RPS6KA2: variants seen among roughly 807,000 people sequenced by gnomAD.
The protein encoded by RPS6KA2 is ribosomal protein S6 kinase alpha-2.
A neutral mutation model predicts 91.8 loss-of-function variants in RPS6KA2; 42 were observed. The observed-to-expected ratio is 0.46, with a 90% CI of 0.36 to 0.59. RPS6KA2 has a LOEUF of 0.59. Ranked by LOEUF, RPS6KA2 falls within the 20% of genes least tolerant of loss-of-function variation. The pLI, the probability that RPS6KA2 is intolerant of heterozygous loss-of-function variation, is 0.00. For missense variants in RPS6KA2, 798 were observed against 978.5 expected (o/e 0.82, Z 2.46); for synonymous variants, 414 against 393.6 (o/e 1.05, Z -0.61).
rs1780190657 is a variant in RPS6KA2, at chr6:166,459,044, CATGA to C, written c.1075+401_1075+404del. 6.6e-6 allele frequency among the ~76,000 whole-genome samples: 1 copy of C among 152,140 alleles called. No homozygotes were observed. The highest frequency in any genetic ancestry group is 1.5e-5 in the Non-Finnish European group (1 of 68,020). On this transcript the variant is annotated intron_variant, in intron 12 of 20. Coordinates refer to ENST00000265678, the MANE Select transcript of RPS6KA2 (RefSeq NM_021135.6). This position sits in a 1 kb window ranked among gnomAD's most constrained non-coding sequence, Gnocchi z 4.9. ...TTTTCAAATGGGTTTCTGTTTTTTG[CATGA>C]ATAATATCTATAGCTCATAAATCTA...
chr6:166,590,276 T>C (rs776536682), intron 1 of RPS6KA2, among the ~76,000 whole-genome samples: 3 of 152,202 alleles, frequency 2.0e-5, no homozygotes, highest in African/African-American at 7.2e-5. Context: ...CCTACATCAG[T>C]AGGCTTTGAG....
Position 166,648,086 on chromosome 6 carries a change from A to G in RPS6KA2, c.124-109302T>C, listed in dbSNP as rs1010510585. Among the ~76,000 whole-genome samples the G allele has an allele frequency of 1.4e-5, 2 of 147,952 alleles. No homozygotes were observed. The highest frequency in any genetic ancestry group is 4.4e-4 in the South Asian group (2 of 4,500). On this transcript the variant is annotated intron_variant, in intron 2 of 21. Transcript: ENST00000503859. This position sits in a 1 kb window ranked among gnomAD's most constrained non-coding sequence, Gnocchi z 4.8. ...CACACATGCACACGCACATGGTCAT[A>G]CACACACGCTCATACACACACGTGC... is the stretch of plus-strand genomic sequence containing the variant.
intron 2 of RPS6KA2, among the ~76,000 whole-genome samples, chr6:166,640,911 G>A (rs1042603851): frequency 6.6e-6 from 1 of 152,152 alleles, no homozygotes; most frequent in Non-Finnish European, 1.5e-5. Context: ...TGCATCTTCA[G>A]GTGGGAGTGT....
At position 166,475,332 on chromosome 6, in the gene RPS6KA2, C is replaced by T. The variant is rs117695379; in HGVS notation, c.908-5427G>A. 5.4e-4 allele frequency among the ~76,000 whole-genome samples: 83 copies of T among 152,340 alleles called. 4 individuals are homozygous for T. The East Asian group carries it at 0.015, about 28-fold the overall frequency. Reference sequence around the variant, plus strand: ...CGCTCACCACACCCACTGCGTACTCCCGAGCGTGGCCCGGCCCCTGGCTGC... The same window carrying T: ...CGCTCACCACACCCACTGCGTACTCTCGAGCGTGGCCCGGCCCCTGGCTGC... On this transcript the variant is annotated intron_variant, in intron 10 of 20. Transcript: ENST00000265678.
intron 2 of RPS6KA2, among the ~76,000 whole-genome samples, chr6:166,731,377 G>A (rs893277231): frequency 2.0e-5 from 3 of 151,820 alleles, no homozygotes; most frequent in Middle Eastern, 3.4e-3. Context: ...GATCCCCCTA[G>A]CCATTAGAGA....
intron 14 of RPS6KA2, among the ~76,000 whole-genome samples, chr6:166,444,047 C>A (rs1166431758): frequency 6.6e-6 from 1 of 152,172 alleles, no homozygotes; most frequent in Non-Finnish European, 1.5e-5. Context: ...TGCCAGGAAT[C>A]CTTCCATTTA....
intron 2 of RPS6KA2, among the ~76,000 whole-genome samples, chr6:166,744,436 G>T (rs1383223457): frequency 2.6e-5 from 4 of 152,248 alleles, no homozygotes; most frequent in Non-Finnish European, 5.9e-5. Context: ...TGAGGCCTCT[G>T]GGGGTAGGCT....
Position 166,698,633 on chromosome 6 carries a change from A to G in RPS6KA2, c.123+159567T>C, listed in dbSNP as rs184909941. Among the ~76,000 whole-genome samples, 10 of 152,292 alleles carry G rather than the reference A, an allele frequency of 6.6e-5. No homozygotes were observed. The East Asian group carries it at 7.7e-4, about 12-fold the overall frequency. On this transcript the variant is annotated intron_variant, in intron 2 of 21. Transcript: ENST00000503859. Reference sequence around the variant, plus strand: ...TCTTCTGGGGCTGTGATTTTCCCCAATGATCAAAATTAAAAGGCTGAAGGG... The same window carrying G: ...TCTTCTGGGGCTGTGATTTTCCCCAGTGATCAAAATTAAAAGGCTGAAGGG...
intron 12 of RPS6KA2, among the ~76,000 whole-genome samples, chr6:166,455,155 A>T (rs539693549): frequency 5.9e-5 from 9 of 152,010 alleles, no homozygotes; most frequent in Non-Finnish European, 1.3e-4. Context: ...CTTTGAAAGG[A>T]AGAAAGTGCA....
chr6:166,642,140 A>C lies in RPS6KA2; in HGVS notation c.124-103356T>G, dbSNP rs570577113. Among the ~76,000 whole-genome samples, 157 of 152,272 alleles carry C rather than the reference A, an allele frequency of 1.0e-3. 1 individual carries two copies. The highest frequency in any genetic ancestry group is 8.2e-3 in the Admixed American group (126 of 15,306). ...GAAATACCAAAAACCGAAAAAAAAA[A>C]TCTCTCCAGAGCAACCAGAAGAAAA... On this transcript the variant is annotated intron_variant, in intron 2 of 21. Coordinates refer to the RPS6KA2 transcript ENST00000503859.
intron 1 of RPS6KA2, among the ~76,000 whole-genome samples, chr6:166,549,678 G>T (rs1395774119): frequency 6.6e-6 from 1 of 152,102 alleles, no homozygotes; most frequent in Non-Finnish European, 1.5e-5. Flanking sequence ...GTCCATAAAA[G>T]GGTACCATGG....
intron 2 of RPS6KA2, among the ~76,000 whole-genome samples, chr6:166,675,893 C>T (rs576200090): frequency 6.6e-6 from 1 of 152,248 alleles, no homozygotes; most frequent in South Asian, 2.1e-4. Flanking sequence ...TCCCTGAGTT[C>T]TATATGCTGC....
chr6:166,505,341 C>T (rs935195627), intron 5 of RPS6KA2, among the ~76,000 whole-genome samples: 4 of 152,214 alleles, frequency 2.6e-5, no homozygotes, highest in African/African-American at 7.2e-5. Context: ...CCAGCCGAAA[C>T]ATGCATGAGG....
At chr6:166,727,101 G>T (rs1235782246) in intron 2 of RPS6KA2, among the ~76,000 whole-genome samples, 5 of 152,036 alleles carry the variant, frequency 3.3e-5, no homozygotes, top group African/African-American at 9.7e-5. Flanking sequence ...CCCATAACCT[G>T]GGGGTGGTTT....
At position 166,600,548 on chromosome 6, in the gene RPS6KA2, T is replaced by C. The variant is rs928285588; in HGVS notation, c.99+26373A>G. Reference sequence around the variant, plus strand: ...CTTGGGAATTTGGAAATATCCCTTATTCCTGATGGGTTTTGAGATCCTTTA... The same window carrying C: ...CTTGGGAATTTGGAAATATCCCTTACTCCTGATGGGTTTTGAGATCCTTTA... On this transcript the variant is annotated intron_variant, in intron 1 of 20. Transcript: ENST00000265678. Among the ~76,000 whole-genome samples, 15 of 152,376 alleles carry C rather than the reference T, an allele frequency of 9.8e-5. 1 individual carries two copies. The highest frequency in any genetic ancestry group is 9.8e-4 in the Admixed American group (15 of 15,312).
At chr6:166,518,336 T>C (rs1312941240) in intron 3 of RPS6KA2, among the ~76,000 whole-genome samples, 1 of 152,038 alleles carries the variant, frequency 6.6e-6, no homozygotes, top group Non-Finnish European at 1.5e-5. Flanking sequence ...TCTTTTTTGT[T>C]TTTTAAATAT....
rs112817722 is a variant in RPS6KA2, at chr6:166,558,695, G to A, written c.100-19911C>T. Among the ~76,000 whole-genome samples, 409 of 152,268 alleles carry A rather than the reference G, an allele frequency of 2.7e-3. 3 individuals carry two copies. The highest frequency in any genetic ancestry group is 9.1e-3 in the African/African-American group (379 of 41,538). ...TGTTGGTGGCCCCATGCTGTTAACGGAAAAGGTTTTCCAGGAAAGTGGCAA... is the reference window on the plus strand; with the variant it reads ...TGTTGGTGGCCCCATGCTGTTAACGAAAAAGGTTTTCCAGGAAAGTGGCAA... On this transcript the variant is annotated intron_variant, in intron 1 of 20. Coordinates refer to ENST00000265678, the MANE Select transcript of RPS6KA2 (RefSeq NM_021135.6).
Position 166,484,689 on chromosome 6 carries a change from C to G in RPS6KA2, c.907+4144G>C, listed in dbSNP as rs576156937. On this transcript the variant is annotated intron_variant, in intron 10 of 20. Transcript: ENST00000265678. The stretch of plus-strand genomic sequence containing the variant: ...TGGGAAACAGAAGCCACAGGAAGAT[C>G]TGGGCTCCTGACAGCAGTAGTTCAG... 2.0e-5 allele frequency among the ~76,000 whole-genome samples: 3 copies of G among 152,354 alleles called. No homozygotes were observed. In the South Asian group the frequency reaches 6.2e-4, roughly 32 times the overall value.
At chr6:166,464,579 A>C (rs1304845671) in intron 11 of RPS6KA2, among the ~76,000 whole-genome samples, 3 of 152,150 alleles carry the variant, frequency 2.0e-5, no homozygotes, top group Non-Finnish European at 4.4e-5. Context: ...GTCCCCCTGC[A>C]AGGGACGCCA....
Sources: allele counts gnomAD v4.1 joint callset (sites outside exome capture counted in the v4.1 genomes callset), GRCh38; gene constraint gnomAD v4.1.1; non-coding constraint Gnocchi (gnomAD v3.1); transcripts MANE v1.5; gene names NCBI Gene and HGNC (gene_info 2026-07-23, HGNC 2026-07-21).